Variants in PCDH7 observed in about 807,000 individuals in gnomAD.
The protein encoded by PCDH7 is protocadherin-7.
A neutral mutation model predicts 58.9 loss-of-function variants in PCDH7; 17 were observed. The observed-to-expected ratio is 0.29, with a 90% CI of 0.20 to 0.43. The LOEUF is 0.43. Among genes scored for constraint, PCDH7 ranks in the 20% least tolerant of loss-of-function variants. PCDH7 has a pLI of 1.00. For synonymous variants in PCDH7, 664 were observed against 616.4 expected (o/e 1.08, Z -1.14); for missense variants, 1,274 against 1,441.0 (o/e 0.88, Z 1.88).
chr4:30,938,812 A>G (rs150682652), intron 2 of PCDH7, among the ~76,000 whole-genome samples: 5 of 152,208 alleles, frequency 3.3e-5, no homozygotes, highest in African/African-American at 1.2e-4. Context: ...CAACATGCCA[A>G]CCTGAAATTT....
intron 3 of PCDH7, among the ~76,000 whole-genome samples, chr4:30,958,650 A>G (rs1254198342): frequency 3.9e-5 from 6 of 151,974 alleles, no homozygotes; most frequent in Non-Finnish European, 8.8e-5. Flanking sequence ...TTTAATCTGG[A>G]AATTGAAGTA....
At chr4:30,795,142 T>C (rs1407828214) in intron 1 of PCDH7, among the ~76,000 whole-genome samples, 3 of 152,174 alleles carry the variant, frequency 2.0e-5, no homozygotes, top group African/African-American at 7.2e-5. Context: ...CCTGTGTTTG[T>C]TTATTTATTT....
chr4:30,764,007 C>G (rs1577702702), intron 1 of PCDH7, among the ~76,000 whole-genome samples: 1 of 152,172 alleles, frequency 6.6e-6, no homozygotes. Flanking sequence ...GAGCTTGTTT[C>G]TTTTCATTTA....
intron 3 of PCDH7, among the ~76,000 whole-genome samples, chr4:31,102,557 T>A (rs1715033076): frequency 6.6e-6 from 1 of 151,732 alleles, no homozygotes; most frequent in African/African-American, 2.4e-5. Context: ...ACTCTGTCTC[T>A]ACTAAAAATA....
At chr4:31,034,779 G>C (rs1755246322) in intron 3 of PCDH7, among the ~76,000 whole-genome samples, 1 of 152,048 alleles carries the variant, frequency 6.6e-6, no homozygotes, top group Admixed American at 6.6e-5. Flanking sequence ...GTGAAATGCT[G>C]TATGTAAGTG....
chr4:31,029,207 C>T (rs1302129313), intron 3 of PCDH7, among the ~76,000 whole-genome samples: 1 of 152,186 alleles, frequency 6.6e-6, no homozygotes, highest in Non-Finnish European at 1.5e-5. Context: ...ATTAATGCAT[C>T]ACAAGCAACT....
At chr4:30,866,720 C>T (rs914543580) in intron 1 of PCDH7, among the ~76,000 whole-genome samples, 3 of 151,048 alleles carry the variant, frequency 2.0e-5, no homozygotes, top group Non-Finnish European at 4.4e-5. Flanking sequence ...AAAGTATTGT[C>T]CTTTTGATGT....
At chr4:30,925,562 A>G (rs1023922997) in intron 2 of PCDH7, among the ~76,000 whole-genome samples, 1 of 152,162 alleles carries the variant, frequency 6.6e-6, no homozygotes, top group African/African-American at 2.4e-5. Flanking sequence ...ATGACTTGCT[A>G]AGGATTCATT....
At chr4:30,904,886 C>T (rs1740718244) in intron 1 of PCDH7, among the ~76,000 whole-genome samples, 1 of 152,146 alleles carries the variant, frequency 6.6e-6, no homozygotes, top group Non-Finnish European at 1.5e-5. Context: ...CAGAAACTGA[C>T]TCTATTTGTC....
In PCDH7 at chr4:31,109,748, G is replaced by A. The variant is rs1160045949; in HGVS notation, c.*8-32725G>A. On this transcript the variant is annotated intron_variant, in intron 3 of 3. Transcript: ENST00000509759. ...AGACAAGGTTTGCTTTCCAAAATAC[G>A]TATTCCTAAATTCCAAATATAAGTA... 5.3e-5 allele frequency among the ~76,000 whole-genome samples: 8 copies of A among 152,134 alleles called. No individual in the cohort carries two copies. In the South Asian group the frequency reaches 8.3e-4, roughly 16 times the overall value.
chr4:30,985,910 AT>A (rs1261287572), intron 3 of PCDH7, among the ~76,000 whole-genome samples: 1 of 152,120 alleles, frequency 6.6e-6, no homozygotes, highest in Middle Eastern at 3.2e-3. Flanking sequence ...GTTTATTTAG[AT>A]TTAAAATAAC....
chr4:31,089,281 T>C (rs1327450464), intron 3 of PCDH7, among the ~76,000 whole-genome samples: 1 of 152,070 alleles, frequency 6.6e-6, no homozygotes, highest in Non-Finnish European at 1.5e-5. Context: ...GAACATAATA[T>C]AATATATTTT....
chr4:30,920,331 C>T (rs777583255), exon 2 of PCDH7: 5 of 1,367,366 alleles, frequency 3.7e-6, no homozygotes, highest in South Asian at 2.3e-5. Context: ...AGGACCACGC[C>T]GGATGGCAGT....
At chr4:30,917,108 T>A (rs1024534666) in intron 1 of PCDH7, among the ~76,000 whole-genome samples, 3 of 152,172 alleles carry the variant, frequency 2.0e-5, no homozygotes, top group Non-Finnish European at 2.9e-5. Context: ...CTGGAATATA[T>A]AAATAATATG....
chr4:30,922,246 G>T (rs1743277695), intron 2 of PCDH7, among the ~76,000 whole-genome samples: 1 of 151,666 alleles, frequency 6.6e-6, no homozygotes, highest in South Asian at 2.1e-4. Context: ...ACCTAGGAAG[G>T]CAGGATTAAT....
intron 1 of PCDH7, among the ~76,000 whole-genome samples, chr4:30,804,454 G>A (rs776261928): frequency 2.0e-5 from 3 of 151,738 alleles, no homozygotes; most frequent in South Asian, 2.1e-4. Flanking sequence ...CAGGGGAATC[G>A]CTTGGACCTG....
At chr4:30,858,980 A>G (rs1475900580) in intron 1 of PCDH7, among the ~76,000 whole-genome samples, 1 of 152,200 alleles carries the variant, frequency 6.6e-6, no homozygotes, top group Non-Finnish European at 1.5e-5. Flanking sequence ...GGCCACACAT[A>G]TGTTTGGCCA....
chr4:30,864,919 A>G (rs543575308), intron 1 of PCDH7, among the ~76,000 whole-genome samples: 6 of 152,236 alleles, frequency 3.9e-5, no homozygotes, highest in African/African-American at 1.4e-4. Context: ...ATCAATGACA[A>G]CAACCTTCAG....
chr4:30,995,574 C>G (rs951432888), intron 3 of PCDH7, among the ~76,000 whole-genome samples: 1 of 151,840 alleles, frequency 6.6e-6, no homozygotes, highest in Non-Finnish European at 1.5e-5. Flanking sequence ...CCACTGTACA[C>G]ATTACCACAA....
Sources: allele counts gnomAD v4.1 joint callset (sites outside exome capture counted in the v4.1 genomes callset), GRCh38; gene constraint gnomAD v4.1.1; transcripts MANE v1.5; gene names NCBI Gene and HGNC (gene_info 2026-07-23, HGNC 2026-07-21).